DRAM2: variants seen among roughly 807,000 people sequenced by gnomAD.
DRAM2 encodes DNA damage regulated autophagy modulator 2.
In DRAM2, 26 loss-of-function variants were observed where a neutral mutation model predicts 33.5. That is an observed-to-expected ratio of 0.78 (90% CI 0.57 to 1.08). The LOEUF (loss-of-function observed/expected upper bound fraction) is 1.08, where lower values mean the gene tolerates loss of function less well. DRAM2 is among the 50% of genes least tolerant of loss of function. The probability of loss-of-function intolerance (pLI) is 0.00; values close to 1 mark genes in which losing one functional copy is unlikely to be tolerated. For missense variants in DRAM2, 311 were observed against 318.1 expected (o/e 0.98, Z 0.17); for synonymous variants, 98 against 109.5 (o/e 0.89, Z 0.66).
chr1:111,136,598 C>CA (rs1405705242), intron 3 of DRAM2, among the ~76,000 whole-genome samples: 132 of 147,780 alleles, frequency 8.9e-4, no homozygotes, highest in African/African-American at 2.8e-3. Flanking sequence ...AACAAAAAAA[C>CA]AAAAAAAAAC....
intron 4 of DRAM2, among the ~76,000 whole-genome samples, chr1:111,126,927 T>C (rs1025174100): frequency 2.6e-5 from 4 of 152,162 alleles, no homozygotes; most frequent in African/African-American, 7.2e-5. Context: ...TTCTATAAAC[T>C]CACTTACCAC....
intron 5 of DRAM2, among the ~76,000 whole-genome samples, chr1:111,125,860 T>G (rs1650904950): frequency 6.6e-6 from 1 of 152,206 alleles, no homozygotes; most frequent in Non-Finnish European, 1.5e-5. Flanking sequence ...ACATCTAAAC[T>G]GTTTATCCCA....
intron 3 of DRAM2, among the ~76,000 whole-genome samples, chr1:111,132,395 G>A (rs1226089835): frequency 2.0e-5 from 3 of 152,190 alleles, no homozygotes; most frequent in Admixed American, 2.0e-4. Context: ...ACACAAGGAT[G>A]GGGTAGTGAG....
rs200318036 is a variant in DRAM2 at position 111,120,381 on chromosome 1, CAAAAAAAAAAAAAAAAAAAAAAAA to C, written c.517+111_517+134del. On this transcript the variant is annotated intron_variant, in intron 7 of 9. Coordinates refer to ENST00000484310, the MANE Select transcript of DRAM2 (RefSeq NM_001349884.2). ...ATTGTGAACCTAAGAATCTCTCCTACAAAAAAAAAAAAAAAAAAAAAAAAAAAAAAAAAAAAAAGACAAAAAGGC... is the reference window on the plus strand; with the variant it reads ...ATTGTGAACCTAAGAATCTCTCCTACAAAAAAAAAAAAAAGACAAAAAGGC... 719 of 172,892 alleles carry C rather than the reference CAAAAAAAAAAAAAAAAAAAAAAAA, an allele frequency of 4.2e-3. 11 individuals carry two copies. Among genetic ancestry groups the C allele is most frequent in the South Asian group, 5.6e-3 (40 of 7,088 alleles). 10.7% of individuals were successfully genotyped at this position (172,892 alleles called of 1,614,324 possible).
chr1:111,126,895 T>G (rs1328522001), intron 4 of DRAM2, among the ~76,000 whole-genome samples: 1 of 152,170 alleles, frequency 6.6e-6, no homozygotes, highest in East Asian at 1.9e-4. Flanking sequence ...AGATAGTGAC[T>G]CACATAGCAT....
intron 3 of DRAM2, among the ~76,000 whole-genome samples, chr1:111,135,080 G>C (rs1439159241): frequency 1.3e-5 from 2 of 152,194 alleles, no homozygotes; most frequent in African/African-American, 4.8e-5. Context: ...TGCCAGGAGG[G>C]AGACATTTTT....
In DRAM2 at chr1:111,131,435, T is replaced by C; in HGVS notation, c.120A>G (p.Leu40=). 1 of 1,613,774 alleles carries C rather than the reference T, an allele frequency of 6.2e-7. No homozygotes were observed. Among genetic ancestry groups the C allele is most frequent in the Non-Finnish European group, 8.5e-7 (1 of 1,179,828 alleles). The change falls in exon 4 of 10, where the codon TTA becomes TTG. Residue 40 remains leucine (L), a synonymous_variant. Transcript: ENST00000484310. ...TACATTTCACTTACCTGATATAAGG[T>C]AAAGCCGGGTCTATATGGTGGAGTG... ...AVTLHHIDPA[L]PYISDTGTVA... is the part of the protein sequence containing the mutation.
At position 111,126,294 on chromosome 1, in the gene DRAM2, A is replaced by G. The variant is rs1651001193; in HGVS notation, c.132T>C (p.Ser44=). ...TTTCTGGAGCTACTGTACCAGTGTC[A>G]CTGAAAGAAAAAAAGGAAGGTATGT... ...HHIDPALPYI[S]DTGTVAPEKC... is the part of the protein sequence containing the mutation. Residue 44 remains serine, a splice_region_variant and synonymous_variant, in exon 5 of 10, where the codon AGT becomes AGC. Coordinates refer to ENST00000484310, the MANE Select transcript of DRAM2 (RefSeq NM_001349884.2). The G allele has an allele frequency of 2.5e-6, 4 of 1,601,926 alleles. No individual in the cohort carries two copies. In the Admixed American group the frequency reaches 6.7e-5, roughly 27 times the overall value.
intron 4 of DRAM2, among the ~76,000 whole-genome samples, chr1:111,127,015 C>G (rs1220344770): frequency 6.6e-6 from 1 of 152,184 alleles, no homozygotes; most frequent in Non-Finnish European, 1.5e-5. Context: ...TAAAACCCCA[C>G]CATTTACTTA....
At chr1:111,132,679 CCT>C (rs1301006500) in intron 3 of DRAM2, among the ~76,000 whole-genome samples, 2 of 136,772 alleles carry the variant, frequency 1.5e-5, no homozygotes, top group Non-Finnish European at 3.1e-5. Flanking sequence ...GGTTTTTCTT[CCT>C]CTTTTTTTTT....
chr1:111,125,068 G>A (rs531174486), intron 5 of DRAM2, among the ~76,000 whole-genome samples, 187 bp from the exon 6 acceptor site: 7 of 151,712 alleles, frequency 4.6e-5, no homozygotes, highest in Admixed American at 3.3e-4. Flanking sequence ...TAAAAAATGG[G>A]GTCTCTCTAT....
chr1:111,139,019 C>G (rs1010195412), intron 2 of DRAM2: 4 of 152,214 alleles, frequency 2.6e-5, no homozygotes, highest in Non-Finnish European at 5.9e-5. Flanking sequence ...TTTAGAGATG[C>G]ACAGAACCAT....
At chr1:111,123,541 C>T (rs978225532) in intron 6 of DRAM2, among the ~76,000 whole-genome samples, 1 of 152,192 alleles carries the variant, frequency 6.6e-6, no homozygotes, top group Non-Finnish European at 1.5e-5. Flanking sequence ...AAATATATCA[C>T]CTCTACCATC....
chr1:111,118,164 A>G lies in DRAM2; in HGVS notation c.797T>C (p.Ile266Thr). The change falls in exon 10 of 10, where the codon ATT (isoleucine) becomes ACT (threonine). Residue 266 changes from isoleucine to threonine, a missense_variant. Physicochemically the swap from Ile to Thr is moderately conservative, Grantham distance 89 (BLOSUM62 -1). Transcript: ENST00000484310. ...NERTRLLSRD[I>T] ...CAGAAATATTTTATCCTTTCATCAAATATCTCTGGAAAGTAGCCGTGTTCG... is the reference window on the plus strand; with the variant it reads ...CAGAAATATTTTATCCTTTCATCAAGTATCTCTGGAAAGTAGCCGTGTTCG... 1.2e-6 allele frequency: 2 copies of G among 1,611,214 alleles called. No homozygotes were observed. Among genetic ancestry groups the G allele is most frequent in the African/African-American group, 1.3e-5 (1 of 74,948 alleles).
In DRAM2 at chr1:111,117,412, T is replaced by C. The variant is rs1014605557; in HGVS notation, c.*748A>G. ...TACATGAATACTAACCCTTGTTTTA[T>C]ATAAAATATGACTAAAGTAAATTTA... is the stretch of plus-strand genomic sequence containing the variant. On this transcript the variant is annotated 3_prime_UTR_variant, in exon 10 of 10. Transcript: ENST00000484310. 2.0e-5 allele frequency: 3 copies of C among 152,148 alleles called. No homozygotes were observed. The highest frequency in any genetic ancestry group is 7.2e-5 in the African/African-American group (3 of 41,460). The allele number at this position is 152,148 out of a possible 1,614,324, so 9.4% of individuals were successfully genotyped here. A position where few individuals can be genotyped will look rare whatever the true frequency, so the allele number is the denominator to read the frequency against.
intron 2 of DRAM2, among the ~76,000 whole-genome samples, chr1:111,138,520 T>A (rs1259242116): frequency 1.3e-5 from 2 of 152,252 alleles, no homozygotes; most frequent in Non-Finnish European, 2.9e-5. Context: ...GGGCGGTGGC[T>A]CTCGCCTGTA....
Position 111,123,517 on chromosome 1 carries a change from T to C in DRAM2, c.339+1225A>G, listed in dbSNP as rs147593372. Reference sequence around the variant, plus strand: ...TTTAGCCGTAATCATCCATTCTCAGTATCTGATCACCATAAATATATCACC... The same window carrying C: ...TTTAGCCGTAATCATCCATTCTCAGCATCTGATCACCATAAATATATCACC... On this transcript the variant is annotated intron_variant, in intron 6 of 9. Coordinates refer to ENST00000484310, the MANE Select transcript of DRAM2 (RefSeq NM_001349884.2). Among the ~76,000 whole-genome samples, 150 of 152,312 alleles carry C rather than the reference T, an allele frequency of 9.8e-4. 1 individual carries two copies. The highest frequency in any genetic ancestry group is 1.9e-3 in the Non-Finnish European group (127 of 68,022).
intron 3 of DRAM2, among the ~76,000 whole-genome samples, chr1:111,133,033 C>A (rs1017852718): frequency 2.6e-5 from 4 of 152,106 alleles, no homozygotes; most frequent in African/African-American, 9.7e-5. Flanking sequence ...CCAATCTAGA[C>A]TCCACTCTAA....
intron 3 of DRAM2, among the ~76,000 whole-genome samples, chr1:111,131,802 A>G (rs1365173358): frequency 4.6e-5 from 7 of 152,236 alleles, no homozygotes; most frequent in Non-Finnish European, 1.0e-4. Flanking sequence ...TCCCATGGAA[A>G]GTACCAAGTA....
Sources: gnomAD v4.1 joint callset for allele counts (sites outside exome capture counted in the v4.1 genomes callset) on GRCh38, gnomAD v4.1.1 for gene constraint, MANE v1.5 for transcripts, NCBI Gene and HGNC (gene_info 2026-07-23, HGNC 2026-07-21) for gene names.